DHRSX: variants seen among roughly 807,000 people sequenced by gnomAD.
DHRSX encodes the protein dehydrogenase/reductase X-linked.
Under a neutral mutation model 34.0 loss-of-function variants are expected in DHRSX, and 31 were observed. The observed-to-expected ratio is 0.91, with a 90% CI of 0.69 to 1.23. The LOEUF (loss-of-function observed/expected upper bound fraction) is 1.23. DHRSX is among the 50% of genes most tolerant of loss of function. The pLI is 0.00. For synonymous variants in DHRSX, 201 were observed against 183.8 expected, an observed-to-expected ratio of 1.09 and a Z score of -0.76; for missense variants, 414 against 428.1, an observed-to-expected ratio of 0.97 and a Z score of 0.29.
At chrX:2,359,728 G>A (rs1380818262) in intron 3 of DHRSX, among the ~76,000 whole-genome samples, 5 of 152,088 alleles carry the variant, frequency 3.3e-5, no homozygotes, top group African/African-American at 1.2e-4. Context: ...AGACACCATG[G>A]AATACTATGC....
At chrX:2,311,352 T>TC (rs1365888551) in intron 3 of DHRSX, among the ~76,000 whole-genome samples, 2 of 152,044 alleles carry the variant, frequency 1.3e-5, no homozygotes, top group East Asian at 3.9e-4. Flanking sequence ...GGCCCTCCTC[T>TC]CCCTCTTGAG....
intron 6 of DHRSX, among the ~76,000 whole-genome samples, chrX:2,232,867 C>T (rs762324144): frequency 6.6e-5 from 10 of 152,108 alleles, no homozygotes; most frequent in African/African-American, 1.7e-4. Context: ...CCATCGTGCC[C>T]GACCCAAGAA....
chrX:2,254,169 C>A (rs1268444092), intron 5 of DHRSX, among the ~76,000 whole-genome samples: 2 of 152,138 alleles, frequency 1.3e-5, no homozygotes, highest in African/African-American at 4.8e-5. Flanking sequence ...TAGGCGGTGT[C>A]CTTTTATATG....
At chrX:2,241,378 T>TCC (rs893851600) in intron 6 of DHRSX, among the ~76,000 whole-genome samples, 3 of 151,992 alleles carry the variant, frequency 2.0e-5, no homozygotes, top group Non-Finnish European at 4.4e-5. Context: ...CTCTCTAACT[T>TCC]CCCCCTCCTG....
At chrX:2,267,916 C>T (rs938289532) in intron 4 of DHRSX, among the ~76,000 whole-genome samples, 2 of 152,140 alleles carry the variant, frequency 1.3e-5, no homozygotes, top group African/African-American at 2.4e-5. Context: ...TACTGCACCC[C>T]AGCCTGGGCA....
chrX:2,312,835 T>A (rs1023345514), intron 3 of DHRSX, among the ~76,000 whole-genome samples: 4 of 152,112 alleles, frequency 2.6e-5, no homozygotes, highest in African/African-American at 9.7e-5. Flanking sequence ...AATTTCTTCC[T>A]GAGGGTCCTG....
intron 1 of DHRSX, among the ~76,000 whole-genome samples, chrX:2,495,369 A>G (rs1269669502): frequency 6.6e-6 from 1 of 151,952 alleles, no homozygotes; most frequent in Non-Finnish European, 1.5e-5. Flanking sequence ...TATTAATATT[A>G]TTGTTATTAT....
chrX:2,388,771 C>T (rs1457313312), intron 3 of DHRSX, among the ~76,000 whole-genome samples: 1 of 151,338 alleles, frequency 6.6e-6, no homozygotes, highest in Admixed American at 6.6e-5. Flanking sequence ...CAGCCTTGCC[C>T]ATACCCTGAT....
chrX:2,409,778 G>A (rs1335914017), intron 2 of DHRSX, among the ~76,000 whole-genome samples: 1 of 151,642 alleles, frequency 6.6e-6, no homozygotes, highest in East Asian at 1.9e-4. Context: ...TGCCCAGGCT[G>A]GAGTGCAGTG....
intron 6 of DHRSX, among the ~76,000 whole-genome samples, chrX:2,237,651 A>G (rs997141698): frequency 3.3e-5 from 5 of 151,646 alleles, no homozygotes; most frequent in Admixed American, 6.6e-5. Context: ...ATTACAGGTG[A>G]CTGCCACCAC....
intron 6 of DHRSX, among the ~76,000 whole-genome samples, chrX:2,238,597 T>C (rs891987040): frequency 7.2e-5 from 11 of 151,816 alleles, no homozygotes; most frequent in African/African-American, 2.7e-4. Context: ...TTTTTTTTTT[T>C]TTTGAGACGG....
chrX:2,358,120 A>C (rs964504740), intron 3 of DHRSX, among the ~76,000 whole-genome samples: 3 of 152,166 alleles, frequency 2.0e-5, no homozygotes, highest in African/African-American at 7.2e-5. Context: ...GAAGTTACTC[A>C]GTTGAGAAAC....
intron 3 of DHRSX, among the ~76,000 whole-genome samples, chrX:2,341,704 A>G (rs1239282204): frequency 1.3e-5 from 2 of 151,930 alleles, no homozygotes; most frequent in East Asian, 3.9e-4. Context: ...CATTCAATCC[A>G]CTACAGGGGT....
intron 1 of DHRSX, among the ~76,000 whole-genome samples, chrX:2,443,861 C>T (rs1332532583): frequency 2.0e-5 from 3 of 152,082 alleles, no homozygotes; most frequent in Non-Finnish European, 4.4e-5. Context: ...AAAAAATTAG[C>T]CGGGTGTGGT....
chrX:2,454,601 CA>C (rs1216037684), intron 1 of DHRSX, among the ~76,000 whole-genome samples: 3 of 151,854 alleles, frequency 2.0e-5, no homozygotes, highest in Admixed American at 1.3e-4. Context: ...GTGCATCAGG[CA>C]CCCCAAAAAT....
intron 3 of DHRSX, among the ~76,000 whole-genome samples, chrX:2,365,369 A>ACCT (rs2042984259): frequency 6.6e-6 from 1 of 152,068 alleles, no homozygotes; most frequent in Non-Finnish European, 1.5e-5. Context: ...CGAACTCCTG[A>ACCT]CCACAAATGA....
Position 2,245,070 on chromosome X carries a change from T to C in DHRSX, c.597-1840A>G, listed in dbSNP as rs368851366. On this transcript the variant is annotated intron_variant, in intron 5 of 6. Coordinates refer to ENST00000334651, the MANE Select transcript of DHRSX (RefSeq NM_145177.3). ...TGATGGAAGCTGTGAACAGAAAATA[T>C]CTGGGCACCCCAAAAGCGGGAAGCT... Among the ~76,000 whole-genome samples, 92 of 152,180 alleles carry C rather than the reference T, an allele frequency of 6.0e-4. 3 individuals are homozygous for C. In the South Asian group the frequency reaches 0.018, roughly 31 times the overall value.
intron 3 of DHRSX, among the ~76,000 whole-genome samples, chrX:2,350,020 CAG>C (rs2042770439): frequency 1.3e-5 from 2 of 151,264 alleles, no homozygotes; most frequent in Admixed American, 6.6e-5. Context: ...GCCTGGGCGA[CAG>C]AGACTCTGTC....
At chrX:2,335,176 C>T (rs1407950162) in intron 3 of DHRSX, among the ~76,000 whole-genome samples, 2 of 141,776 alleles carry the variant, frequency 1.4e-5, no homozygotes, top group African/African-American at 5.0e-5. Flanking sequence ...CAGAGTAGGA[C>T]TCCATCTCAA....
Sources: allele counts gnomAD v4.1 joint callset (sites outside exome capture counted in the v4.1 genomes callset), GRCh38; gene constraint gnomAD v4.1.1; transcripts MANE v1.5; gene names NCBI Gene and HGNC (gene_info 2026-07-23, HGNC 2026-07-21).